PREX1: variants seen among roughly 807,000 people sequenced by gnomAD.
PREX1 encodes the protein phosphatidylinositol-3,4,5-trisphosphate dependent Rac exchange factor 1, also known as phosphatidylinositol 3,4,5-trisphosphate-dependent Rac exchanger 1 protein.
Under a neutral mutation model 198.3 loss-of-function variants are expected in PREX1, and 41 were observed. The ratio of observed to expected loss-of-function variants is 0.21; its 90% CI spans 0.16 to 0.27. The LOEUF (loss-of-function observed/expected upper bound fraction) is 0.27. Among genes scored for constraint, PREX1 ranks in the 10% least tolerant of loss-of-function variants. The pLI is 1.00. For synonymous variants in PREX1, 843 were observed against 887.2 expected, an observed-to-expected ratio of 0.95 and a Z score of 0.89; for missense variants, 1,620 against 2,200.7, an observed-to-expected ratio of 0.74 and a Z score of 5.28.
At position 48,827,236 on chromosome 20, in the gene PREX1, T is replaced by C. The variant is rs2090513075; in HGVS notation, c.219+406A>G. On this transcript the variant is annotated intron_variant, in intron 1 of 39. Coordinates refer to ENST00000371941, the MANE Select transcript of PREX1 (RefSeq NM_020820.4). The surrounding 1 kb of genome is among the most constrained non-coding windows in gnomAD (Gnocchi z 4.1). ...TGGGCTCTGGGGCTCCTACGGTATG[T>C]CCTAGATGAGTGGTGCACCGGGCGC... 1.3e-5 allele frequency among the ~76,000 whole-genome samples: 2 copies of C among 152,240 alleles called. No individual in the cohort carries two copies. Among genetic ancestry groups the C allele is most frequent in the Admixed American group, 1.3e-4 (2 of 15,288 alleles).
rs1367234491 is a variant in PREX1 at position 48,636,793 on chromosome 20, G to GCTAA, written c.3947-114_3947-111dup. 3.3e-6 allele frequency: 3 copies of GCTAA among 897,354 alleles called. No homozygotes were observed. In the East Asian group the frequency reaches 8.1e-5, roughly 24 times the overall value. 55.6% of individuals were successfully genotyped at this position (897,354 alleles called of 1,614,324 possible). A position where few individuals can be genotyped will look rare whatever the true frequency, so the allele number is the denominator to read the frequency against. On this transcript the variant is annotated intron_variant, in intron 31 of 39. Transcript: ENST00000371941. ...CCCCTCATGGAACCCCCAGCAAAGG[G>GCTAA]CTAACATCAGGCCAGAAATTACTTT...
intron 1 of PREX1, among the ~76,000 whole-genome samples, chr20:48,816,971 T>C (rs897318814): frequency 3.9e-5 from 6 of 152,308 alleles, no homozygotes; most frequent in Non-Finnish European, 8.8e-5. Flanking sequence ...TAATACGCCA[T>C]CTCTGTGTGA....
intron 3 of PREX1, among the ~76,000 whole-genome samples, chr20:48,740,301 CAG>C (rs1031220748): frequency 6.6e-6 from 1 of 152,244 alleles, no homozygotes; most frequent in African/African-American, 2.4e-5. Context: ...GTCACAGAGA[CAG>C]AGACACCCCT....
chr20:48,639,738 C>A, intron 30 of PREX1, 28 bp downstream of exon 30: 10 of 1,611,160 alleles, frequency 6.2e-6, no homozygotes, highest in Non-Finnish European at 7.6e-6. Context: ...CCCCTCCCCA[C>A]CATGATGCAC....
At chr20:48,677,143 G>A (rs2089715088) in intron 13 of PREX1, among the ~76,000 whole-genome samples, 2 of 152,334 alleles carry the variant, frequency 1.3e-5, no homozygotes, top group South Asian at 2.1e-4. Context: ...CAGGCTCCAC[G>A]TGCAGTTGGT....
At chr20:48,824,931 G>A (rs2090502175) in intron 1 of PREX1, among the ~76,000 whole-genome samples, 1 of 152,082 alleles carries the variant, frequency 6.6e-6, no homozygotes, top group Non-Finnish European at 1.5e-5. Context: ...TTTAAGGCCT[G>A]CCTCTAACCA....
intron 1 of PREX1, among the ~76,000 whole-genome samples, chr20:48,761,583 C>G (rs889572204): frequency 2.0e-5 from 3 of 150,488 alleles, no homozygotes; most frequent in African/African-American, 7.3e-5. Context: ...CAAGTTGCAA[C>G]AACCTGTCAT....
intron 19 of PREX1, among the ~76,000 whole-genome samples, chr20:48,654,500 G>A (rs1042215848): frequency 6.6e-6 from 1 of 152,216 alleles, no homozygotes; most frequent in Non-Finnish European, 1.5e-5. Context: ...CTAACCGCCA[G>A]AAACACCCCC....
At position 48,666,455 on chromosome 20, in the gene PREX1, C is replaced by G. The variant is rs551910335; in HGVS notation, c.1666-100G>C. 11 of 978,664 alleles carry G rather than the reference C, an allele frequency of 1.1e-5. No individual in the cohort carries two copies. In the East Asian group the frequency reaches 2.6e-4, roughly 23 times the overall value. 60.6% of individuals were successfully genotyped at this position (978,664 alleles called of 1,614,324 possible). On this transcript the variant is annotated intron_variant, in intron 14 of 39. Coordinates refer to ENST00000371941, the MANE Select transcript of PREX1 (RefSeq NM_020820.4). The surrounding 1 kb of genome is among the most constrained non-coding windows in gnomAD (Gnocchi z 4.3). ...CAACCACCCAAGAAGGTAGGCTCCA[C>G]GAGGGCCAGGGGTTGTCTGTTTTGT...
chr20:48,627,764 G>C, intron 38 of PREX1, 97 bp downstream of exon 38: 1 of 1,404,080 alleles, frequency 7.1e-7, no homozygotes, highest in South Asian at 1.2e-5. Context: ...CTCAGGTCTG[G>C]GGCTGGTGGC....
intron 14 of PREX1, among the ~76,000 whole-genome samples, chr20:48,672,843 C>T (rs1220632200): frequency 1.3e-5 from 2 of 152,182 alleles, no homozygotes; most frequent in East Asian, 1.9e-4. Flanking sequence ...CCGTTCCCTC[C>T]ACCACATTGC....
intron 5 of PREX1, among the ~76,000 whole-genome samples, chr20:48,710,733 T>C (rs916259418): frequency 3.9e-5 from 6 of 152,260 alleles, no homozygotes. Context: ...TGAGAAGGTC[T>C]CTCTGGAAAG....
intron 32 of PREX1, among the ~76,000 whole-genome samples, chr20:48,635,969 C>G (rs2122836949): frequency 6.6e-6 from 1 of 152,282 alleles, no homozygotes; most frequent in Middle Eastern, 3.4e-3. Context: ...CAGCAGCCAG[C>G]AGAGGGCGCT....
intron 1 of PREX1, among the ~76,000 whole-genome samples, chr20:48,780,012 T>C (rs1340726457): frequency 1.3e-5 from 2 of 152,208 alleles, no homozygotes; most frequent in East Asian, 3.8e-4. Flanking sequence ...TATGTAAGCT[T>C]CAAAAGTCAA....
At chr20:48,692,639 G>T in intron 8 of PREX1, 33 bp downstream of exon 8, 1 of 1,555,454 alleles carries the variant, frequency 6.4e-7, no homozygotes, top group Non-Finnish European at 8.9e-7. Flanking sequence ...CAGGGCTCAG[G>T]CAGGGCTCAG....
chr20:48,746,106 C>T (rs1240487185), intron 2 of PREX1, among the ~76,000 whole-genome samples: 1 of 152,190 alleles, frequency 6.6e-6, no homozygotes, highest in African/African-American at 2.4e-5. Context: ...GTGCAACCTC[C>T]GTCTCCAGGG....
chr20:48,753,807 T>C (rs1168015207), intron 1 of PREX1, among the ~76,000 whole-genome samples: 4 of 152,080 alleles, frequency 2.6e-5, no homozygotes, highest in African/African-American at 9.7e-5. Flanking sequence ...GAGAGGTCCC[T>C]CCTCTCACAG....
chr20:48,882,168 C>T, the PREX1 span, among the ~76,000 whole-genome samples: 1 of 152,052 alleles, frequency 6.6e-6, no homozygotes, highest in African/African-American at 2.4e-5. Context: ...TGGACATTTG[C>T]ATTGCTTCCA....
chr20:48,664,188 C>T (rs757515826), intron 15 of PREX1, among the ~76,000 whole-genome samples: 1 of 152,146 alleles, frequency 6.6e-6, no homozygotes, highest in Admixed American at 6.5e-5. Flanking sequence ...TCCTGGCTAA[C>T]ACGGTGAAAT....
Sources: gnomAD v4.1 joint callset for allele counts (sites outside exome capture counted in the v4.1 genomes callset) on GRCh38, gnomAD v4.1.1 for gene constraint, Gnocchi (gnomAD v3.1) non-coding constraint, MANE v1.5 for transcripts, NCBI Gene and HGNC (gene_info 2026-07-23, HGNC 2026-07-21) for gene names.